MEGF9: variants seen among roughly 807,000 people sequenced by gnomAD.
The protein encoded by MEGF9 is multiple epidermal growth factor-like domains protein 9.
Under a neutral mutation model 46.8 loss-of-function variants are expected in MEGF9, and 6 were observed. The ratio of observed to expected loss-of-function variants is 0.13; its 90% CI spans 0.07 to 0.25. The LOEUF is 0.25. Ranked by LOEUF, MEGF9 falls within the 10% of genes least tolerant of loss-of-function variation. The probability of loss-of-function intolerance (pLI) is 1.00; values close to 1 mark genes in which losing one functional copy is unlikely to be tolerated. For synonymous variants in MEGF9, 302 were observed against 330.7 expected (o/e 0.91, Z 0.94); for missense variants, 683 against 792.4 (o/e 0.86, Z 1.66).
intron 1 of MEGF9, chr9:120,689,969 T>A (rs1587996923): frequency 1.9e-6 from 1 of 532,286 alleles, no homozygotes; most frequent in African/African-American, 1.9e-5. Flanking sequence ...TGACTGGCTG[T>A]GTAAGAGGCA....
At chr9:120,698,095 C>T (rs2043886514) in intron 1 of MEGF9, among the ~76,000 whole-genome samples, 2 of 152,098 alleles carry the variant, frequency 1.3e-5, no homozygotes, top group Admixed American at 1.3e-4. Context: ...TATAGAAGCC[C>T]AGGAAGATTA....
intron 1 of MEGF9, among the ~76,000 whole-genome samples, chr9:120,676,916 A>T (rs1231997297): frequency 6.6e-6 from 1 of 152,196 alleles, no homozygotes; most frequent in East Asian, 1.9e-4. Context: ...TAGAGAAGCT[A>T]AGTGCTTGCC....
intron 1 of MEGF9, among the ~76,000 whole-genome samples, chr9:120,687,209 G>A (rs2043826592): frequency 6.6e-6 from 1 of 152,126 alleles, no homozygotes; most frequent in Admixed American, 6.5e-5. Flanking sequence ...AGAGAAGAAT[G>A]TGCATATTCT....
intron 2 of MEGF9, among the ~76,000 whole-genome samples, chr9:120,629,825 C>T (rs1046384284): frequency 6.6e-6 from 1 of 151,764 alleles, no homozygotes; most frequent in East Asian, 1.9e-4. Flanking sequence ...CCCAGCTACT[C>T]GGGAGGCTGA....
At chr9:120,652,141 AGCACACAC>A (rs1337352015) in intron 2 of MEGF9, among the ~76,000 whole-genome samples, 1 of 117,702 alleles carries the variant, frequency 8.5e-6, no homozygotes, top group African/African-American at 3.2e-5. Context: ...CAAACAAACA[AGCACACAC>A]ACACACACAC....
intron 2 of MEGF9, among the ~76,000 whole-genome samples, chr9:120,633,638 G>A (rs2043559957): frequency 6.6e-6 from 1 of 151,778 alleles, no homozygotes; most frequent in African/African-American, 2.4e-5. Context: ...TGCTAATTTT[G>A]AGTTTTGTTT....
intron 4 of MEGF9, among the ~76,000 whole-genome samples, chr9:120,609,091 A>T (rs2043433156): frequency 6.6e-6 from 1 of 152,212 alleles, no homozygotes; most frequent in South Asian, 2.1e-4. Flanking sequence ...TTCAGGATTA[A>T]GTGAAAACGT....
intron 2 of MEGF9, among the ~76,000 whole-genome samples, chr9:120,627,998 A>G (rs1271606510): frequency 6.6e-6 from 1 of 152,214 alleles, no homozygotes; most frequent in Non-Finnish European, 1.5e-5. Flanking sequence ...TTACTTTGGG[A>G]AGAGACTGAA....
intron 1 of MEGF9, among the ~76,000 whole-genome samples, chr9:120,680,964 C>T (rs1260516593): frequency 6.6e-6 from 1 of 152,010 alleles, no homozygotes; most frequent in Non-Finnish European, 1.5e-5. Flanking sequence ...GAAATGCTGC[C>T]TAAGAGCCTA....
At chr9:120,662,147 G>C (rs1434068722) in intron 1 of MEGF9, among the ~76,000 whole-genome samples, 1 of 152,080 alleles carries the variant, frequency 6.6e-6, no homozygotes, top group Non-Finnish European at 1.5e-5. Flanking sequence ...TAAGAACTCA[G>C]ATATAAACAC....
At chr9:120,624,377 G>T (rs1162941351) in intron 2 of MEGF9, among the ~76,000 whole-genome samples, 3 of 151,908 alleles carry the variant, frequency 2.0e-5, no homozygotes, top group African/African-American at 4.8e-5. Flanking sequence ...ACAGGTATGC[G>T]CCACCACATC....
rs1308398070 is a variant in MEGF9 at position 120,608,024 on chromosome 9, T to A, written c.1088-14A>T. 6.2e-7 allele frequency: 1 copy of A among 1,613,024 alleles called. No homozygotes were observed. The highest frequency in any genetic ancestry group is 8.5e-7 in the Non-Finnish European group (1 of 1,178,992). On this transcript the variant is annotated splice_polypyrimidine_tract_variant and intron_variant, in intron 4 of 5. Transcript: ENST00000373930. Reference sequence around the variant, plus strand: ...ATTCACTCGATTCTAAAAGAGAGAATGCCAAAATAGTTTAGTACAGTCTGA... The same window carrying A: ...ATTCACTCGATTCTAAAAGAGAGAAAGCCAAAATAGTTTAGTACAGTCTGA...
At chr9:120,623,572 A>G (rs904780706) in intron 2 of MEGF9, among the ~76,000 whole-genome samples, 1 of 152,218 alleles carries the variant, frequency 6.6e-6, no homozygotes, top group African/African-American at 2.4e-5. Flanking sequence ...AAATGCAACA[A>G]AAATTTACAT....
At chr9:120,644,496 T>TC (rs775146001) in intron 2 of MEGF9, among the ~76,000 whole-genome samples, 10 of 152,220 alleles carry the variant, frequency 6.6e-5, no homozygotes, top group Non-Finnish European at 1.2e-4. Flanking sequence ...AGGATGGCTA[T>TC]CAGGCTTACT....
chr9:120,705,148 G>A (rs1044480158), intron 1 of MEGF9, among the ~76,000 whole-genome samples: 3 of 151,930 alleles, frequency 2.0e-5, no homozygotes, highest in African/African-American at 7.3e-5. Context: ...AGAGAATACC[G>A]CATTCTGAAT....
chr9:120,643,714 T>C (rs543209361), intron 2 of MEGF9, among the ~76,000 whole-genome samples: 2 of 151,920 alleles, frequency 1.3e-5, no homozygotes, highest in South Asian at 4.1e-4. Flanking sequence ...TTTTTTTCTT[T>C]TTTTTTTTGA....
At chr9:120,675,452 G>A (rs988079358) in intron 1 of MEGF9, among the ~76,000 whole-genome samples, 9 of 151,978 alleles carry the variant, frequency 5.9e-5, no homozygotes, top group African/African-American at 1.2e-4. Flanking sequence ...AATTACTCCA[G>A]CATGGTGGCT....
At chr9:120,693,275 C>CAAAAAAAAAAAAAAA (rs10633158) in intron 1 of MEGF9, among the ~76,000 whole-genome samples, 2 of 104,398 alleles carry the variant, frequency 1.9e-5, no homozygotes, top group Non-Finnish European at 3.7e-5. Flanking sequence ...TCTGGTTAAC[C>CAAAAAAAAAAAAAAA]AAAAAAAAAA....
intron 1 of MEGF9, among the ~76,000 whole-genome samples, chr9:120,668,382 C>T (rs2043734705): frequency 6.6e-6 from 1 of 152,168 alleles, no homozygotes; most frequent in Non-Finnish European, 1.5e-5. Context: ...AAAGCCACTA[C>T]TTTTAAAGAA....
Sources: allele counts gnomAD v4.1 joint callset (sites outside exome capture counted in the v4.1 genomes callset), GRCh38; gene constraint gnomAD v4.1.1; transcripts MANE v1.5; gene names NCBI Gene and HGNC (gene_info 2026-07-23, HGNC 2026-07-21).